The following PDZD2 variants were observed in gnomAD, a reference collection of about 807,000 sequenced individuals.
The protein encoded by PDZD2 is PDZ domain containing 2, also known as PDZ domain-containing protein 2.
In PDZD2, 90 loss-of-function variants were observed where a neutral mutation model predicts 220.7. The observed-to-expected ratio is 0.41, with a 90% confidence interval of 0.34 to 0.49. The LOEUF (loss-of-function observed/expected upper bound fraction) is 0.49. Ranked by LOEUF, PDZD2 falls within the 20% of genes least tolerant of loss-of-function variation. The pLI is 0.28. For missense variants in PDZD2, 3,174 were observed against 3,608.5 expected, an observed-to-expected ratio of 0.88 and a Z score of 3.08; for synonymous variants, 1,375 against 1,450.5, an observed-to-expected ratio of 0.95 and a Z score of 1.18.
intron 2 of PDZD2, among the ~76,000 whole-genome samples, chr5:31,951,344 A>T (rs746689348): frequency 6.6e-6 from 1 of 152,196 alleles, no homozygotes; most frequent in Non-Finnish European, 1.5e-5. Flanking sequence ...GTGGATCTAC[A>T]GGGTTGAGCC....
intron 1 of PDZD2, among the ~76,000 whole-genome samples, chr5:31,749,858 G>A (rs948032769): frequency 3.9e-5 from 6 of 152,142 alleles, no homozygotes; most frequent in Non-Finnish European, 8.8e-5. Flanking sequence ...TGAGCCGCGC[G>A]TGGCTTCCCC....
intron 2 of PDZD2, among the ~76,000 whole-genome samples, chr5:31,833,360 G>A (rs1369003037): frequency 1.3e-5 from 2 of 152,044 alleles, no homozygotes; most frequent in African/African-American, 4.8e-5. Flanking sequence ...CCCAGCTACT[G>A]AGGAAGCTAA....
chr5:32,048,594 T>C lies in PDZD2; in HGVS notation c.1575T>C (p.Asn525=), dbSNP rs2112286960. ...VEEYNELMVR[N]GDPRIRMLEV... ...AATATAACGAGCTGATGGTGCGGAA[T>C]GGGGACCCCCGGATCCGGATGTTGG... The change falls in exon 8 of 25, where the codon AAT becomes AAC. Residue 525 remains asparagine, a synonymous_variant. Transcript: ENST00000438447. 1.9e-6 allele frequency: 3 copies of C among 1,614,020 alleles called. No homozygotes were observed. Among genetic ancestry groups the C allele is most frequent in the African/African-American group, 2.7e-5 (2 of 75,024 alleles).
intron 1 of PDZD2, among the ~76,000 whole-genome samples, chr5:31,778,213 A>G (rs986913221): frequency 1.3e-5 from 2 of 152,194 alleles, no homozygotes; most frequent in Admixed American, 1.3e-4. Flanking sequence ...GCACCCTGTC[A>G]AAACGGACCA....
At chr5:32,070,166 C>G (rs1740617211) in intron 15 of PDZD2, among the ~76,000 whole-genome samples, 1 of 152,108 alleles carries the variant, frequency 6.6e-6, no homozygotes, top group African/African-American at 2.4e-5. Context: ...CATATCAAGT[C>G]TTAAAAATAA....
intron 2 of PDZD2, among the ~76,000 whole-genome samples, chr5:31,937,519 C>T (rs1745863212): frequency 6.6e-6 from 1 of 152,310 alleles, no homozygotes; most frequent in South Asian, 2.1e-4. Context: ...TGGTCATCCT[C>T]ATGCCGTGGT....
chr5:31,996,955 G>C (rs959745303), intron 4 of PDZD2, among the ~76,000 whole-genome samples: 1 of 152,218 alleles, frequency 6.6e-6, no homozygotes, highest in East Asian at 1.9e-4. Context: ...ATGGTGTTTA[G>C]CTAGAGCATG....
rs867931191 is a variant in PDZD2 at position 31,995,579 on chromosome 5, G to A, written c.982G>A (p.Glu328Lys). The change falls in exon 4 of 25, where the codon GAA becomes AAA. Residue 328 changes from glutamate (E) to lysine (K), a missense_variant. By Grantham distance (56) the Glu-to-Lys change is moderately conservative (BLOSUM62 1). Transcript: ENST00000438447. ...FQSSDCLARE[E>K]VGRIWKMELL... ...TGTGCTCACTTTTTCTTCCAAGGAG[G>A]AAGTTGGCCGAATATGGAAGATGGA... 1 of 1,614,164 alleles carries A rather than the reference G, an allele frequency of 6.2e-7. No individual in the cohort carries two copies.
intron 2 of PDZD2, among the ~76,000 whole-genome samples, chr5:31,869,868 T>C (rs1738619752): frequency 6.6e-6 from 1 of 152,304 alleles, no homozygotes; most frequent in Non-Finnish European, 1.5e-5. Flanking sequence ...GGGGTGGGTC[T>C]GACCCCCTGT....
intron 2 of PDZD2, among the ~76,000 whole-genome samples, chr5:31,859,700 G>A (rs977124887): frequency 6.6e-6 from 1 of 152,098 alleles, no homozygotes; most frequent in African/African-American, 2.4e-5. Flanking sequence ...TTCTTCAAAT[G>A]TCTGATGATC....
intron 7 of PDZD2, among the ~76,000 whole-genome samples, chr5:32,039,530 G>A (rs575224442): frequency 8.5e-5 from 13 of 152,222 alleles, no homozygotes; most frequent in East Asian, 1.9e-4. Context: ...CCGCCACCCC[G>A]TCTTAAGAAG....
rs553861434 is a variant in PDZD2 at position 32,105,646 on chromosome 5, A to C, written c.8354-2323A>C. 1.6e-4 allele frequency among the ~76,000 whole-genome samples: 24 copies of C among 152,382 alleles called. No homozygotes were observed. In the South Asian group the frequency reaches 2.3e-3, roughly 14 times the overall value. Reference sequence around the variant, plus strand: ...TTGAATGAAAAAAAGCCAAATGCAGATTGTGCACTGTGTGACACCAATTCA... The same window carrying C: ...TTGAATGAAAAAAAGCCAAATGCAGCTTGTGCACTGTGTGACACCAATTCA... On this transcript the variant is annotated intron_variant, in intron 24 of 24. Coordinates refer to ENST00000438447, the MANE Select transcript of PDZD2 (RefSeq NM_178140.4).
intron 2 of PDZD2, among the ~76,000 whole-genome samples, chr5:31,885,829 G>A (rs1283544308): frequency 6.6e-6 from 1 of 151,952 alleles, no homozygotes; most frequent in East Asian, 1.9e-4. Context: ...ATTATCTTGG[G>A]AAAAGAGAGT....
At chr5:31,974,643 TAGC>T (rs1176845205) in intron 2 of PDZD2, among the ~76,000 whole-genome samples, 3 of 152,306 alleles carry the variant, frequency 2.0e-5, no homozygotes, top group Middle Eastern at 3.4e-3. Flanking sequence ...CTGACAGAAA[TAGC>T]AGTATCCAGA....
At chr5:31,946,248 C>T (rs1226710665) in intron 2 of PDZD2, among the ~76,000 whole-genome samples, 1 of 152,226 alleles carries the variant, frequency 6.6e-6, no homozygotes, top group Non-Finnish European at 1.5e-5. Flanking sequence ...AGTGCTCTGC[C>T]TGCCTCGGCC....
At chr5:31,658,508 CTG>C (rs1745638044) in intron 1 of PDZD2, among the ~76,000 whole-genome samples, 1 of 152,172 alleles carries the variant, frequency 6.6e-6, no homozygotes, top group Non-Finnish European at 1.5e-5. Context: ...CTCTCTGTGT[CTG>C]TGTTTCCTCT....
chr5:31,889,371 A>G (rs913132418), intron 2 of PDZD2, among the ~76,000 whole-genome samples: 7 of 151,954 alleles, frequency 4.6e-5, no homozygotes, highest in African/African-American at 1.7e-4. Flanking sequence ...CCAGGGGAGG[A>G]CTGTGTCCTT....
At chr5:31,869,821 T>C (rs1425369389) in intron 2 of PDZD2, among the ~76,000 whole-genome samples, 1 of 152,136 alleles carries the variant, frequency 6.6e-6, no homozygotes, top group Non-Finnish European at 1.5e-5. Context: ...ACAGTCTTAA[T>C]TCCTGCTGTC....
At chr5:32,007,534 G>A (rs914745188) in intron 5 of PDZD2, among the ~76,000 whole-genome samples, 2 of 152,030 alleles carry the variant, frequency 1.3e-5, no homozygotes, top group Non-Finnish European at 2.9e-5. Flanking sequence ...TTATCTTCAG[G>A]TACTTTGAAG....
Sources: gnomAD v4.1 joint callset for allele counts (sites outside exome capture counted in the v4.1 genomes callset) on GRCh38, gnomAD v4.1.1 for gene constraint, MANE v1.5 for transcripts, NCBI Gene and HGNC (gene_info 2026-07-23, HGNC 2026-07-21) for gene names.